The following SLX4IP variants were observed in gnomAD, a reference collection of about 807,000 sequenced individuals.
SLX4IP encodes the protein protein SLX4IP.
Under a neutral mutation model 32.9 loss-of-function variants are expected in SLX4IP, and 34 were observed. The ratio of observed to expected loss-of-function variants is 1.03; its 90% confidence interval spans 0.79 to 1.38. The LOEUF (loss-of-function observed/expected upper bound fraction) is 1.38. SLX4IP is among the 40% of genes most tolerant of loss of function. SLX4IP has a pLI of 0.00. For missense variants in SLX4IP, 444 were observed against 479.0 expected, an observed-to-expected ratio of 0.93 and a Z score of 0.68; for synonymous variants, 172 against 171.7, an observed-to-expected ratio of 1.00 and a Z score of -0.01.
chr20:10,474,973 G>A (rs1379626222), intron 2 of SLX4IP, among the ~76,000 whole-genome samples: 1 of 152,218 alleles, frequency 6.6e-6, no homozygotes, highest in Non-Finnish European at 1.5e-5. Context: ...CCTCAGACTT[G>A]AGTAACACTC....
At chr20:10,521,887 A>G (rs2122450112) in intron 2 of SLX4IP, among the ~76,000 whole-genome samples, 1 of 152,340 alleles carries the variant, frequency 6.6e-6, no homozygotes, top group South Asian at 2.1e-4. Flanking sequence ...GCACACTGTG[A>G]GCCATAAGAA....
intron 2 of SLX4IP, among the ~76,000 whole-genome samples, chr20:10,492,397 A>G (rs2065631640): frequency 6.6e-6 from 1 of 152,120 alleles, no homozygotes; most frequent in Non-Finnish European, 1.5e-5. Flanking sequence ...AATTCTTGGT[A>G]TTGCTAGAAT....
At chr20:10,522,584 C>G (rs1044519318) in intron 2 of SLX4IP, among the ~76,000 whole-genome samples, 6 of 152,156 alleles carry the variant, frequency 3.9e-5, no homozygotes, top group Non-Finnish European at 8.8e-5. Flanking sequence ...CAACTAAAAC[C>G]TGGATTTTGT....
intron 2 of SLX4IP, among the ~76,000 whole-genome samples, chr20:10,544,155 T>C (rs189316600): frequency 9.3e-4 from 141 of 152,316 alleles, no homozygotes; most frequent in African/African-American, 2.7e-3. Context: ...CATGCAGTTA[T>C]ATCTGTTCCT....
intron 2 of SLX4IP, among the ~76,000 whole-genome samples, chr20:10,490,832 G>C (rs978127199): frequency 1.3e-5 from 2 of 152,122 alleles, no homozygotes; most frequent in African/African-American, 4.8e-5. Context: ...CTGGTGGTGA[G>C]AGCCAGTTTG....
chr20:10,575,691 A>G (rs966317961), intron 4 of SLX4IP, among the ~76,000 whole-genome samples: 6 of 152,084 alleles, frequency 3.9e-5, no homozygotes, highest in African/African-American at 1.4e-4. Context: ...CACCTTAGCA[A>G]TGAAAAGCCT....
intron 4 of SLX4IP, among the ~76,000 whole-genome samples, chr20:10,563,257 T>A (rs1033200002): frequency 3.3e-5 from 5 of 152,250 alleles, no homozygotes; most frequent in African/African-American, 1.2e-4. Context: ...TCAGATTCGC[T>A]TATTTGCTAT....
At chr20:10,437,256 G>T (rs2065122768) in intron 1 of SLX4IP, among the ~76,000 whole-genome samples, 1 of 152,134 alleles carries the variant, frequency 6.6e-6, no homozygotes, top group Non-Finnish European at 1.5e-5. Flanking sequence ...CTGTCAAAGT[G>T]CAGGAAAGCA....
At chr20:10,451,939 G>A (rs2065245557) in intron 1 of SLX4IP, among the ~76,000 whole-genome samples, 1 of 152,050 alleles carries the variant, frequency 6.6e-6, no homozygotes, top group South Asian at 2.1e-4. Flanking sequence ...CTACACTCCA[G>A]CCCTGGTGAC....
rs751294576 is a variant in SLX4IP at position 10,601,688 on chromosome 20, GT to G, written c.317-37del. On this transcript the variant is annotated intron_variant, in intron 5 of 7. Transcript: ENST00000334534. ...CTGGAACAACCATTCTGTGTTTATA[GT>G]TTTTTGACACCTTTAAACTTGTTTT... is the stretch of plus-strand genomic sequence containing the variant. The G allele has an allele frequency of 3.2e-6, 5 of 1,551,148 alleles. No homozygotes were observed. The East Asian group carries it at 9.0e-5, about 28-fold the overall frequency.
rs149711270 is a variant in SLX4IP at position 10,540,660 on chromosome 20, G to A, written c.28-15571G>A. On this transcript the variant is annotated intron_variant, in intron 2 of 7. Transcript: ENST00000334534. Reference sequence around the variant, plus strand: ...CATCAGTGGTCTCCTGTCCCAGCACGTTTCCCCTTTGAGCATTCCTTGAAG... The same window carrying A: ...CATCAGTGGTCTCCTGTCCCAGCACATTTCCCCTTTGAGCATTCCTTGAAG... Among the ~76,000 whole-genome samples the A allele has an allele frequency of 2.7e-3, 411 of 152,238 alleles. 1 individual carries two copies. Among genetic ancestry groups the A allele is most frequent in the African/African-American group, 9.4e-3 (389 of 41,532 alleles).
rs2067162543 is a variant in SLX4IP at position 10,625,531 on chromosome 20, C to G, written c.*2152C>G. 6.6e-6 allele frequency: 1 copy of G among 152,146 alleles called. No individual in the cohort carries two copies. Among genetic ancestry groups the G allele is most frequent in the Non-Finnish European group, 1.5e-5 (1 of 68,040 alleles). 9.4% of individuals were successfully genotyped at this position (152,146 alleles called of 1,614,324 possible). A position where few individuals can be genotyped will look rare whatever the true frequency, so the allele number is the denominator to read the frequency against. Reference sequence around the variant, plus strand: ...TCTAATCTTTCTCTGAAGTATCACTCTGGTATTGAGAAATTTTTATTTCAT... The same window carrying G: ...TCTAATCTTTCTCTGAAGTATCACTGTGGTATTGAGAAATTTTTATTTCAT... On this transcript the variant is annotated 3_prime_UTR_variant, in exon 8 of 8. Coordinates refer to ENST00000334534, the MANE Select transcript of SLX4IP (RefSeq NM_001009608.3).
intron 2 of SLX4IP, among the ~76,000 whole-genome samples, chr20:10,545,726 G>T (rs183496092): frequency 1.1e-3 from 169 of 152,254 alleles, no homozygotes; most frequent in African/African-American, 3.9e-3. Context: ...AATCCCCAAA[G>T]TATTTATCAA....
intron 2 of SLX4IP, among the ~76,000 whole-genome samples, chr20:10,518,533 CCTTCCTTCCTT>C (rs1189944746): frequency 3.7e-5 from 4 of 107,240 alleles, no homozygotes; most frequent in African/African-American, 1.0e-4. Context: ...TTCCTTCCTT[CCTTCCTTCCTT>C]CCTTCCTTTC....
intron 2 of SLX4IP, among the ~76,000 whole-genome samples, chr20:10,474,678 G>A (rs1028603279): frequency 1.3e-5 from 2 of 152,238 alleles, no homozygotes; most frequent in African/African-American, 2.4e-5. Flanking sequence ...ACTTCCGCCG[G>A]CCGCCTTGTT....
At chr20:10,592,622 C>CTTTTTTTTTTTTT in intron 4 of SLX4IP, among the ~76,000 whole-genome samples, 1 of 55,136 alleles carries the variant, frequency 1.8e-5, no homozygotes, top group Non-Finnish European at 3.0e-5. Flanking sequence ...TATTCTTCAT[C>CTTTTTTTTTTTTT]TTTTTTTTTT....
At chr20:10,494,512 A>T (rs1320587433) in intron 2 of SLX4IP, among the ~76,000 whole-genome samples, 1 of 151,826 alleles carries the variant, frequency 6.6e-6, no homozygotes, top group African/African-American at 2.4e-5. Context: ...CATAGAATTG[A>T]GTTATAGTTT....
chr20:10,621,549 C>G, intron 7 of SLX4IP, 135 bp downstream of exon 7: 1 of 718,448 alleles, frequency 1.4e-6, no homozygotes, highest in South Asian at 1.7e-5. Context: ...ACTCTCCCCT[C>G]CCTCCTGACT....
At chr20:10,579,273 G>A (rs2066556412) in intron 4 of SLX4IP, among the ~76,000 whole-genome samples, 1 of 152,000 alleles carries the variant, frequency 6.6e-6, no homozygotes, top group Admixed American at 6.6e-5. Context: ...TTATTCTTTT[G>A]CATGTGGATA....
Sources: allele counts gnomAD v4.1 joint callset (sites outside exome capture counted in the v4.1 genomes callset), GRCh38; gene constraint gnomAD v4.1.1; transcripts MANE v1.5; gene names NCBI Gene and HGNC (gene_info 2026-07-23, HGNC 2026-07-21).